The following IQANK1 variants were observed in gnomAD, a reference collection of about 807,000 sequenced individuals.
The protein encoded by IQANK1 is IQ motif and ankyrin repeat domain-containing protein 1.
IQANK1 carries 30 observed loss-of-function variants against 22.6 expected under a neutral mutation model. The ratio of observed to expected loss-of-function variants is 1.33; its 90% confidence interval spans 0.99 to 1.80. The LOEUF is 1.80. Among genes scored for constraint, IQANK1 ranks in the 40% most tolerant of loss-of-function variants. The pLI, the probability that IQANK1 is intolerant of heterozygous loss-of-function variation, is 0.00. For missense variants in IQANK1, 275 were observed against 235.2 expected (o/e 1.17, Z -1.11); for synonymous variants, 122 against 99.6 (o/e 1.23, Z -1.34).
intron 2 of IQANK1, among the ~76,000 whole-genome samples, chr8:143,737,622 T>C (rs1818776719): frequency 6.6e-6 from 1 of 152,072 alleles, no homozygotes; most frequent in South Asian, 2.1e-4. Flanking sequence ...CCGGGACCCC[T>C]CCCGCCACCC....
chr8:143,771,091 C>T lies in IQANK1; in HGVS notation c.176-397C>T, dbSNP rs1402876567. Among the ~76,000 whole-genome samples the T allele has an allele frequency of 1.3e-5, 2 of 151,966 alleles. No individual in the cohort carries two copies. Among genetic ancestry groups the T allele is most frequent in the African/African-American group, 4.8e-5 (2 of 41,366 alleles). On this transcript the variant is annotated intron_variant, in intron 3 of 13. Transcript: ENST00000527139. This position sits in a 1 kb window ranked among gnomAD's most constrained non-coding sequence, Gnocchi z 6.0. ...GTGATGAGCCCTCCCAGGCCTGGGG[C>T]CCCCCCGCTCAGTCCAGCCTTCGCT...
chr8:143,742,470 C>T (rs112297683), intron 3 of IQANK1: 5,797 of 456,034 alleles, frequency 0.013, 275 homozygotes, highest in African/African-American at 0.1. Flanking sequence ...GCGATGTAGA[C>T]ACTTGGGCCC....
At chr8:143,757,291 A>T (rs1003159345) in intron 3 of IQANK1, among the ~76,000 whole-genome samples, 1 of 151,916 alleles carries the variant, frequency 6.6e-6, no homozygotes, top group Admixed American at 6.6e-5. Context: ...GCCTGCAGAT[A>T]CGCCCGGTTT....
chr8:143,768,067 G>T (rs1361201558), intron 3 of IQANK1, among the ~76,000 whole-genome samples: 1 of 151,080 alleles, frequency 6.6e-6, no homozygotes, highest in Non-Finnish European at 1.5e-5. Context: ...ACTTTTAGTA[G>T]AGACGGGGTT....
At chr8:143,742,264 ACT>A (rs1554626633) in intron 3 of IQANK1, 4 of 412,540 alleles carry the variant, frequency 9.7e-6, no homozygotes, top group African/African-American at 8.2e-5. Context: ...CGCTCAAGTG[ACT>A]CTTCCCACCC....
intron 3 of IQANK1, chr8:143,745,898 A>G (rs1819018423): frequency 6.6e-6 from 1 of 152,070 alleles, no homozygotes. Flanking sequence ...CTATAGGCAC[A>G]CAGCACCATG....
intron 7 of IQANK1, among the ~76,000 whole-genome samples, chr8:143,788,060 G>A (rs552533499): frequency 6.6e-6 from 1 of 152,260 alleles, no homozygotes; most frequent in South Asian, 2.1e-4. Flanking sequence ...GCCCCACCCG[G>A]CCCTTCTCAG....
Position 143,790,524 on chromosome 8 carries a change from C to T in IQANK1, c.1599C>T (p.Phe533=), listed in dbSNP as rs1239351211. 15 of 402,030 alleles carry T rather than the reference C, an allele frequency of 3.7e-5. No individual in the cohort carries two copies. The highest frequency in any genetic ancestry group is 3.5e-4 in the Admixed American group (8 of 22,728). 24.9% of individuals were successfully genotyped at this position (402,030 alleles called of 1,614,324 possible). ...GGCTGGAGCACTTCCGCCTCTTTTT[C>T]GTCACCAAGGTCCAGTGGCCGCCAG... ...EQRLEHFRLF[F]VTKVQWPPAE... Residue 533 remains phenylalanine, a synonymous_variant, in exon 14 of 14, where the codon TTC becomes TTT. Transcript: ENST00000527139.
intron 3 of IQANK1, among the ~76,000 whole-genome samples, chr8:143,762,110 C>G (rs1408293742): frequency 6.6e-6 from 1 of 152,014 alleles, no homozygotes; most frequent in Non-Finnish European, 1.5e-5. Flanking sequence ...AAATCTGATC[C>G]TTTGTAACTA....
At chr8:143,738,856 C>G (rs887880382) in intron 2 of IQANK1, among the ~76,000 whole-genome samples, 1 of 152,206 alleles carries the variant, frequency 6.6e-6, no homozygotes, top group East Asian at 1.9e-4. Flanking sequence ...CATGGGAACC[C>G]GCAGCCCATG....
rs1819989800 is a variant in IQANK1 at position 143,789,910 on chromosome 8, C to G, written c.1195+41C>G. On this transcript the variant is annotated intron_variant, in intron 11 of 13. Coordinates refer to ENST00000527139, the MANE Select transcript of IQANK1 (RefSeq NM_001381874.1). Reference sequence around the variant, plus strand: ...GGCGCCGGCTGGGGGCTGGGACATACAGCCCAGGGCGGGGTCCGGCGTCGG... The same window carrying G: ...GGCGCCGGCTGGGGGCTGGGACATAGAGCCCAGGGCGGGGTCCGGCGTCGG... 4 of 1,231,730 alleles carry G rather than the reference C, an allele frequency of 3.2e-6. No individual in the cohort carries two copies. The South Asian group carries it at 1.6e-4, about 51-fold the overall frequency. 76.3% of individuals were successfully genotyped at this position (1,231,730 alleles called of 1,614,324 possible).
intron 3 of IQANK1, among the ~76,000 whole-genome samples, chr8:143,743,556 G>A (rs1028210564): frequency 6.6e-6 from 1 of 152,124 alleles, no homozygotes; most frequent in Non-Finnish European, 1.5e-5. Flanking sequence ...TTAACATTTA[G>A]ACATGCGTCC....
intron 2 of IQANK1, 105 bp from the exon 3 acceptor site, chr8:143,739,754 G>A (rs1818848949): frequency 1.7e-6 from 1 of 581,886 alleles, no homozygotes; most frequent in Non-Finnish European, 3.1e-6. Context: ...GGGGCTCCCT[G>A]TCTGCCAGGA....
intron 7 of IQANK1, among the ~76,000 whole-genome samples, chr8:143,777,546 A>G (rs1186535376): frequency 2.0e-5 from 3 of 147,396 alleles, no homozygotes; most frequent in African/African-American, 7.5e-5. Flanking sequence ...AAAACAAACC[A>G]CTAAAAAAAA....
chr8:143,739,735 C>T lies in IQANK1; in HGVS notation c.86-124C>T, dbSNP rs1437279402. On this transcript the variant is annotated intron_variant, in intron 2 of 13. Transcript: ENST00000527139. Reference sequence around the variant, plus strand: ...TCCGTGTGCTTCCCTCGGGAGGAGGCCCGGGTGGGGGGCTCCCTGTCTGCC... The same window carrying T: ...TCCGTGTGCTTCCCTCGGGAGGAGGTCCGGGTGGGGGGCTCCCTGTCTGCC... 5.2e-6 allele frequency: 3 copies of T among 577,186 alleles called. No individual in the cohort carries two copies. The African/African-American group carries it at 5.7e-5, about 11-fold the overall frequency. The allele number at this position is 577,186 out of a possible 1,614,324, so 35.8% of individuals were successfully genotyped here. A position where few individuals can be genotyped will look rare whatever the true frequency, so the allele number is the denominator to read the frequency against.
chr8:143,764,837 T>C (rs1819457436), intron 3 of IQANK1, among the ~76,000 whole-genome samples: 1 of 152,148 alleles, frequency 6.6e-6, no homozygotes, highest in Non-Finnish European at 1.5e-5. Flanking sequence ...AAGGAATTGC[T>C]GGATGCATAA....
intron 3 of IQANK1, among the ~76,000 whole-genome samples, chr8:143,751,985 A>G (rs898298633): frequency 6.6e-6 from 1 of 150,778 alleles, no homozygotes; most frequent in Non-Finnish European, 1.5e-5. Context: ...TTTATTTTTG[A>G]GAGAGAGACT....
At chr8:143,769,283 C>G (rs1819531235) in intron 3 of IQANK1, among the ~76,000 whole-genome samples, 1 of 152,026 alleles carries the variant, frequency 6.6e-6, no homozygotes. Context: ...TGGTCTTGAA[C>G]TTCTGGGCTC....
At chr8:143,768,374 G>C (rs1226393636) in intron 3 of IQANK1, among the ~76,000 whole-genome samples, 2 of 152,000 alleles carry the variant, frequency 1.3e-5, no homozygotes, top group Admixed American at 6.6e-5. Flanking sequence ...TTAGTGGGGG[G>C]GTTTCCGCCA....
Sources: gnomAD v4.1 joint callset for allele counts (sites outside exome capture counted in the v4.1 genomes callset) on GRCh38, gnomAD v4.1.1 for gene constraint, Gnocchi (gnomAD v3.1) non-coding constraint, MANE v1.5 for transcripts, NCBI Gene and HGNC (gene_info 2026-07-23, HGNC 2026-07-21) for gene names.